BPIFB1: variants seen among roughly 807,000 people sequenced by gnomAD.
The protein encoded by BPIFB1 is BPI fold containing family B member 1.
In BPIFB1, 34 loss-of-function variants were observed where a neutral mutation model predicts 55.1. The observed-to-expected ratio is 0.62, with a 90% CI of 0.47 to 0.82. The LOEUF (loss-of-function observed/expected upper bound fraction) is 0.82. Ranked by LOEUF, BPIFB1 falls within the 40% of genes least tolerant of loss-of-function variation. The probability of loss-of-function intolerance (pLI) is 0.00; values close to 1 mark genes in which losing one functional copy is unlikely to be tolerated. For synonymous variants in BPIFB1, 236 were observed against 245.3 expected (o/e 0.96, Z 0.35); for missense variants, 532 against 593.1 (o/e 0.90, Z 1.07).
chr20:33,295,719 AGAG>A (rs947557544), intron 6 of BPIFB1, among the ~76,000 whole-genome samples: 5 of 148,596 alleles, frequency 3.4e-5, no homozygotes, highest in African/African-American at 1.3e-4. Context: ...GGAAGGAAAA[AGAG>A]AGAGAGGGAA....
At position 33,299,937 on chromosome 20, in the gene BPIFB1, C is replaced by A. The variant is rs764737659; in HGVS notation, c.700C>A (p.Leu234Ile). Residue 234 changes from leucine (L) to isoleucine (I), a missense_variant, in exon 8 of 16, where the codon CTT (leucine) becomes ATT (isoleucine). Transcript: ENST00000253354. ...SLSIDRLEFD[L>I]LYPAIKGDTI... is the part of the protein sequence containing the mutation. ...CAGCATTGACCGTCTGGAGTTTGAC[C>A]TTCTGTATCCTGCCATCAAGGGTGA... 1 of 1,614,018 alleles carries A rather than the reference C, an allele frequency of 6.2e-7. No individual in the cohort carries two copies. The highest frequency in any genetic ancestry group is 2.2e-5 in the East Asian group (1 of 44,876).
intron 2 of BPIFB1, among the ~76,000 whole-genome samples, chr20:33,287,174 A>G (rs1384490988): frequency 6.6e-6 from 1 of 152,234 alleles, no homozygotes; most frequent in Non-Finnish European, 1.5e-5. Context: ...TTTCAGCCAG[A>G]AGGAGCTTAG....
In BPIFB1 at chr20:33,294,050, G is replaced by T. The variant is rs991242764; in HGVS notation, c.597+2062G>T. On this transcript the variant is annotated intron_variant, in intron 6 of 15. Coordinates refer to ENST00000253354, the MANE Select transcript of BPIFB1 (RefSeq NM_033197.3). ...TTACGTTTGTTTCTCTAATAAGCTGGAGTTATGATTTTCAACTTCTGCTTC... is the reference window on the plus strand; with the variant it reads ...TTACGTTTGTTTCTCTAATAAGCTGTAGTTATGATTTTCAACTTCTGCTTC... Among the ~76,000 whole-genome samples the T allele has an allele frequency of 3.9e-5, 6 of 152,252 alleles. No individual in the cohort carries two copies. In the East Asian group the frequency reaches 1.2e-3, roughly 29 times the overall value.
intron 6 of BPIFB1, among the ~76,000 whole-genome samples, chr20:33,293,420 C>T (rs1980535635): frequency 6.6e-6 from 1 of 152,128 alleles, no homozygotes; most frequent in African/African-American, 2.4e-5. Flanking sequence ...AGTCATTATA[C>T]AATACTTGTA....
At chr20:33,299,674 CATGCAG>C (rs1980782384) in intron 7 of BPIFB1, among the ~76,000 whole-genome samples, 1 of 152,192 alleles carries the variant, frequency 6.6e-6, no homozygotes, top group Admixed American at 6.5e-5. Flanking sequence ...CTAACGTTAT[CATGCAG>C]ATGAACCAGC....
At chr20:33,292,745 C>A (rs1028087292) in intron 6 of BPIFB1, among the ~76,000 whole-genome samples, 7 of 152,174 alleles carry the variant, frequency 4.6e-5, no homozygotes, top group African/African-American at 1.7e-4. Flanking sequence ...ATTTTAGTTG[C>A]CCCTATTTGT....
In BPIFB1 at chr20:33,290,947, C is replaced by T; in HGVS notation, c.366-10C>T. On this transcript the variant is annotated splice_polypyrimidine_tract_variant and intron_variant, in intron 4 of 15. Coordinates refer to ENST00000253354, the MANE Select transcript of BPIFB1 (RefSeq NM_033197.3). ...TGGTGCTCACATGGTCAGGTGCCTCCACCCGCTAGGCCCCTGGTCAAGACC... is the reference window on the plus strand; with the variant it reads ...TGGTGCTCACATGGTCAGGTGCCTCTACCCGCTAGGCCCCTGGTCAAGACC... The T allele has an allele frequency of 6.2e-6, 10 of 1,612,952 alleles. No individual in the cohort carries two copies. Among genetic ancestry groups the T allele is most frequent in the Non-Finnish European group, 8.5e-6 (10 of 1,179,704 alleles).
At chr20:33,297,454 A>G in intron 6 of BPIFB1, 71 bp from the exon 7 acceptor site, 2 of 1,550,762 alleles carry the variant, frequency 1.3e-6, no homozygotes, top group South Asian at 2.2e-5. Flanking sequence ...TGGGCTGGGC[A>G]CAGCCCGGGG....
chr20:33,302,857 G>C, intron 10 of BPIFB1, 59 bp from the exon 11 acceptor site: 6 of 1,593,416 alleles, frequency 3.8e-6, no homozygotes, highest in Non-Finnish European at 5.1e-6. Context: ...GCCACACACA[G>C]AGCCTGTGGG....
At chr20:33,299,158 G>A (rs540875283) in intron 7 of BPIFB1, 5 of 456,616 alleles carry the variant, frequency 1.1e-5, no homozygotes, top group Non-Finnish European at 2.2e-5. Context: ...CAAGGTCACT[G>A]GGGCTCAAAC....
intron 15 of BPIFB1, chr20:33,307,913 C>CAA (rs1981089310): frequency 6.6e-6 from 1 of 151,318 alleles, no homozygotes; most frequent in African/African-American, 2.4e-5. Flanking sequence ...AAATCCATCC[C>CAA]CCCCCCAAAA....
chr20:33,290,767 A>T (rs6119365), intron 4 of BPIFB1, among the ~76,000 whole-genome samples, 190 bp from the exon 5 acceptor site: 7,963 of 152,248 alleles, frequency 0.052, 705 homozygotes, highest in African/African-American at 0.18. Flanking sequence ...CAGACGAAAG[A>T]CGTTTCAACC....
chr20:33,300,352 T>A (rs905283751), intron 8 of BPIFB1, among the ~76,000 whole-genome samples: 1 of 152,228 alleles, frequency 6.6e-6, no homozygotes, highest in Non-Finnish European at 1.5e-5. Flanking sequence ...ATTCCCTGGC[T>A]ATGTGACTTT....
At chr20:33,300,025 C>T in intron 8 of BPIFB1, 41 bp downstream of exon 8, 1 of 1,545,632 alleles carries the variant, frequency 6.5e-7, no homozygotes, top group East Asian at 2.2e-5. Flanking sequence ...GGGGACATTG[C>T]TGCCCTTCTC....
At chr20:33,297,237 G>A (rs1160001000) in intron 6 of BPIFB1, among the ~76,000 whole-genome samples, 3 of 152,230 alleles carry the variant, frequency 2.0e-5, no homozygotes, top group Non-Finnish European at 4.4e-5. Context: ...TCACTCTCAT[G>A]GAAAACATAG....
At chr20:33,285,237 A>G (rs1432356586) in intron 1 of BPIFB1, among the ~76,000 whole-genome samples, 1 of 152,168 alleles carries the variant, frequency 6.6e-6, no homozygotes, top group Non-Finnish European at 1.5e-5. Context: ...ACAGGAGAGA[A>G]CACAGTATGT....
At chr20:33,303,201 G>A (rs1321502657) in intron 11 of BPIFB1, 127 bp downstream of exon 11, 1 of 1,217,764 alleles carries the variant, frequency 8.2e-7, no homozygotes, top group East Asian at 2.5e-5. Flanking sequence ...AGGGGACAGG[G>A]AGCTCTGAAC....
Position 33,304,757 on chromosome 20 carries a change from A to T in BPIFB1, c.1209-89A>T, listed in dbSNP as rs62209752. On this transcript the variant is annotated intron_variant, in intron 12 of 15. Transcript: ENST00000253354. ...GGAGCCCGCACTGTGCCTGGCACATAATAGGTGCTCAATAAATCGCTGTTG... is the reference window on the plus strand; with the variant it reads ...GGAGCCCGCACTGTGCCTGGCACATTATAGGTGCTCAATAAATCGCTGTTG... 2,550 of 1,528,114 alleles carry T rather than the reference A, an allele frequency of 1.7e-3. 29 individuals are homozygous for T. In the African/African-American group the frequency reaches 0.02, roughly 12 times the overall value. 94.7% of individuals were successfully genotyped at this position (1,528,114 alleles called of 1,614,324 possible).
Position 33,305,053 on chromosome 20 carries a change from C to A in BPIFB1, c.1254+162C>A, listed in dbSNP as rs369892404. On this transcript the variant is annotated intron_variant, in intron 13 of 15. Transcript: ENST00000253354. ...AAGTCCAACTTCCCTCGAGTGTTTA[C>A]AGAGAAGCCACCACGTGTCAGACAC... Among the ~76,000 whole-genome samples, 52 of 152,302 alleles carry A rather than the reference C, an allele frequency of 3.4e-4. 1 individual carries two copies. The East Asian group carries it at 7.3e-3, about 22-fold the overall frequency.
Sources: allele counts gnomAD v4.1 joint callset (sites outside exome capture counted in the v4.1 genomes callset), GRCh38; gene constraint gnomAD v4.1.1; transcripts MANE v1.5; gene names NCBI Gene and HGNC (gene_info 2026-07-23, HGNC 2026-07-21).